Variants in SLC16A7 observed in about 807,000 individuals in gnomAD.
The protein encoded by SLC16A7 is solute carrier family 16 member 7.
Under a neutral mutation model 34.9 loss-of-function variants are expected in SLC16A7, and 33 were observed. The ratio of observed to expected loss-of-function variants is 0.94; its 90% CI spans 0.72 to 1.26. The LOEUF (loss-of-function observed/expected upper bound fraction) is 1.26. SLC16A7 is among the 50% of genes most tolerant of loss of function. The pLI is 0.00. For synonymous variants in SLC16A7, 201 were observed against 206.6 expected, an observed-to-expected ratio of 0.97 and a Z score of 0.23; for missense variants, 573 against 578.1, an observed-to-expected ratio of 0.99 and a Z score of 0.09.
chr12:59,640,059 A>C (rs1012078997), intron 1 of SLC16A7, among the ~76,000 whole-genome samples: 4 of 152,130 alleles, frequency 2.6e-5, no homozygotes, highest in Admixed American at 1.3e-4. Context: ...TATAACTCAG[A>C]AATAGTCACA....
chr12:59,683,127 C>T (rs1021662141), intron 2 of SLC16A7, among the ~76,000 whole-genome samples: 6 of 151,964 alleles, frequency 3.9e-5, no homozygotes, highest in African/African-American at 1.5e-4. Flanking sequence ...ATAAATATAA[C>T]ATTTAACAGA....
intron 3 of SLC16A7, among the ~76,000 whole-genome samples, chr12:59,705,976 A>G (rs1259448204): frequency 6.6e-6 from 1 of 152,142 alleles, no homozygotes; most frequent in Non-Finnish European, 1.5e-5. Context: ...CCAAGGCCTA[A>G]GTACTTAATA....
chr12:59,757,244 C>T (rs552959625), intron 3 of SLC16A7, among the ~76,000 whole-genome samples: 1 of 150,112 alleles, frequency 6.7e-6, no homozygotes, highest in Non-Finnish European at 1.5e-5. Flanking sequence ...TACCCCAAAA[C>T]TTAAAGTATA....
chr12:59,759,202 A>T (rs1882504), intron 3 of SLC16A7, among the ~76,000 whole-genome samples: 1 of 152,044 alleles, frequency 6.6e-6, no homozygotes, highest in South Asian at 2.1e-4. Context: ...TAGAGTGTGA[A>T]GAAGTATCTA....
rs1424831592 is a variant in SLC16A7 at position 59,712,953 on chromosome 12, C to T, written c.217+7935C>T. ...AGTGAGGTCTAGCATGAAATGCTCTCGTGAACTAACTGGTTATTCTGAAAA... is the reference window on the plus strand; with the variant it reads ...AGTGAGGTCTAGCATGAAATGCTCTTGTGAACTAACTGGTTATTCTGAAAA... On this transcript the variant is annotated intron_variant, in intron 3 of 5. Transcript: ENST00000547379. Among the ~76,000 whole-genome samples, 5 of 152,236 alleles carry T rather than the reference C, an allele frequency of 3.3e-5. No homozygotes were observed. In the South Asian group the frequency reaches 6.2e-4, roughly 19 times the overall value.
chr12:59,719,857 C>T (rs1018512530), intron 3 of SLC16A7: 1 of 456,530 alleles, frequency 2.2e-6, no homozygotes, highest in Non-Finnish European at 3.8e-6. Context: ...GCTCCATGGC[C>T]TCCCACGGAG....
intron 3 of SLC16A7, among the ~76,000 whole-genome samples, chr12:59,745,282 A>T (rs570069854): frequency 2.3e-4 from 35 of 152,310 alleles, no homozygotes; most frequent in African/African-American, 8.4e-4. Flanking sequence ...CACTCAAATG[A>T]GTTTAGGTCT....
rs548614556 is a variant in SLC16A7 at position 59,747,186 on chromosome 12, T to C, written c.218-24033T>C. 9.7e-4 allele frequency among the ~76,000 whole-genome samples: 148 copies of C among 152,310 alleles called. 2 individuals carry two copies. In the South Asian group the frequency reaches 0.025, roughly 26 times the overall value. ...CTACCAAGAACTGGACATGCATACA[T>C]ATATGTGTATACATCTAATGATATA... On this transcript the variant is annotated intron_variant, in intron 3 of 5. Transcript: ENST00000547379.
intron 3 of SLC16A7, among the ~76,000 whole-genome samples, chr12:59,767,407 T>G (rs139126169): frequency 6.6e-6 from 1 of 152,018 alleles, no homozygotes; most frequent in African/African-American, 2.4e-5. Context: ...CATTGGTAGA[T>G]AGCAGAAGCC....
At chr12:59,667,795 C>T (rs1236867238) in intron 2 of SLC16A7, among the ~76,000 whole-genome samples, 5 of 152,198 alleles carry the variant, frequency 3.3e-5, no homozygotes, top group Non-Finnish European at 7.3e-5. Context: ...GGCAGCCCCT[C>T]CCATCACAGG....
At chr12:59,638,308 A>G (rs1880528288) in intron 1 of SLC16A7, among the ~76,000 whole-genome samples, 1 of 152,036 alleles carries the variant, frequency 6.6e-6, no homozygotes, top group Admixed American at 6.6e-5. Flanking sequence ...CAGGGGAGGG[A>G]GTGACTTTCT....
At chr12:59,633,482 G>A (rs775569049) in intron 1 of SLC16A7, among the ~76,000 whole-genome samples, 2 of 151,994 alleles carry the variant, frequency 1.3e-5, no homozygotes, top group South Asian at 2.1e-4. Flanking sequence ...TTTCACATTC[G>A]GTGATGTGAC....
In SLC16A7 at chr12:59,770,653, A is replaced by G. The variant is rs1882130536; in HGVS notation, c.218-566A>G. Among the ~76,000 whole-genome samples the G allele has an allele frequency of 2.6e-5, 4 of 152,316 alleles. No individual in the cohort carries two copies. In the South Asian group the frequency reaches 6.2e-4, roughly 24 times the overall value. Reference sequence around the variant, plus strand: ...TGATGAACCTATATTGGAAAAAGTCATTAGGTGTAAGACATCCTTTATGCT... The same window carrying G: ...TGATGAACCTATATTGGAAAAAGTCGTTAGGTGTAAGACATCCTTTATGCT... On this transcript the variant is annotated intron_variant, in intron 3 of 5. Coordinates refer to ENST00000547379, the MANE Select transcript of SLC16A7 (RefSeq NM_001270623.2).
At chr12:59,727,930 G>C (rs552719127) in intron 3 of SLC16A7, among the ~76,000 whole-genome samples, 1 of 152,202 alleles carries the variant, frequency 6.6e-6, no homozygotes, top group African/African-American at 2.4e-5. Context: ...AAAATGTTGA[G>C]AAACTTAAGA....
intron 1 of SLC16A7, among the ~76,000 whole-genome samples, chr12:59,604,430 C>CT: frequency 6.6e-6 from 1 of 152,292 alleles, no homozygotes; most frequent in South Asian, 2.1e-4. Context: ...AAATTATACT[C>CT]TTTTATAGAT....
chr12:59,676,629 C>T (rs1870335767), intron 2 of SLC16A7, among the ~76,000 whole-genome samples: 1 of 151,924 alleles, frequency 6.6e-6, no homozygotes, highest in Non-Finnish European at 1.5e-5. Context: ...CTTTACTCCT[C>T]AATTACTCTA....
chr12:59,771,178 C>G, intron 3 of SLC16A7, 41 bp from the exon 4 acceptor site: 1 of 1,559,088 alleles, frequency 6.4e-7, no homozygotes, highest in Non-Finnish European at 8.7e-7. Context: ...AAATAAATGA[C>G]AAGAGCAACT....
intron 3 of SLC16A7, among the ~76,000 whole-genome samples, chr12:59,715,361 A>C (rs926434981): frequency 2.0e-5 from 3 of 152,198 alleles, no homozygotes; most frequent in African/African-American, 7.2e-5. Context: ...AAGGTGCTAT[A>C]ATTTATTCCT....
intron 3 of SLC16A7, among the ~76,000 whole-genome samples, chr12:59,728,041 G>T (rs575512104): frequency 4.6e-4 from 70 of 152,220 alleles, no homozygotes; most frequent in African/African-American, 1.7e-3. Flanking sequence ...AGAGACCCAG[G>T]TTCCAATAGA....
Sources: allele counts gnomAD v4.1 joint callset (sites outside exome capture counted in the v4.1 genomes callset), GRCh38; gene constraint gnomAD v4.1.1; transcripts MANE v1.5; gene names NCBI Gene and HGNC (gene_info 2026-07-23, HGNC 2026-07-21).